The following PFKL variants were observed in gnomAD, a reference collection of about 807,000 sequenced individuals.
PFKL encodes the protein ATP-dependent 6-phosphofructokinase, liver type.
Under a neutral mutation model 92.1 loss-of-function variants are expected in PFKL, and 74 were observed. The observed-to-expected ratio is 0.80, with a 90% CI of 0.67 to 0.97. The LOEUF (loss-of-function observed/expected upper bound fraction) is 0.97. Among genes scored for constraint, PFKL ranks in the 50% least tolerant of loss-of-function variants. The pLI is 0.00. For synonymous variants in PFKL, 494 were observed against 456.4 expected (o/e 1.08, Z -1.05); for missense variants, 1,028 against 1,116.6 (o/e 0.92, Z 1.13).
chr21:44,303,440 A>AAAAAAAAAGACTTGATCG (rs2040832684), intron 1 of PFKL, among the ~76,000 whole-genome samples: 2 of 68,714 alleles, frequency 2.9e-5, no homozygotes, highest in African/African-American at 1.0e-4. Flanking sequence ...GACCAAAAAA[A>AAAAAAAAAGACTTGATCG]AAAAAAAAAA....
intron 14 of PFKL, among the ~76,000 whole-genome samples, chr21:44,322,585 C>T (rs2079519660): frequency 6.6e-6 from 1 of 152,208 alleles, no homozygotes; most frequent in Non-Finnish European, 1.5e-5. Flanking sequence ...CACAGTCCCC[C>T]TGTGTGACTA....
intron 21 of PFKL, 108 bp from the exon 22 acceptor site, chr21:44,326,607 G>GGCAT (rs1291533812): frequency 6.8e-6 from 9 of 1,324,870 alleles, no homozygotes; most frequent in Non-Finnish European, 2.0e-6. Context: ...CAGACAGAGG[G>GGCAT]GCATGCACAG....
At chr21:44,318,367 T>TG in intron 9 of PFKL, 103 bp from the exon 10 acceptor site, 15 of 1,261,014 alleles carry the variant, frequency 1.2e-5, no homozygotes, top group Non-Finnish European at 1.3e-5. Context: ...TCCGTCAGCG[T>TG]GGGGGGCTCT....
At chr21:44,300,688 T>G (rs56295824) in intron 1 of PFKL, among the ~76,000 whole-genome samples, 73,784 of 152,136 alleles carry the variant, frequency 0.48, 18,752 homozygotes, top group African/African-American at 0.63. Flanking sequence ...GCCGCCTTCC[T>G]TGTGGGTCTA....
At chr21:44,308,092 A>G (rs984731396) in intron 2 of PFKL, among the ~76,000 whole-genome samples, 3 of 151,994 alleles carry the variant, frequency 2.0e-5, no homozygotes, top group Non-Finnish European at 4.4e-5. Context: ...AGGCCCTCGG[A>G]GGTGGGGGAA....
rs966933165 is a variant in PFKL, at chr21:44,305,715, A to T, written c.86-966A>T. Reference sequence around the variant, plus strand: ...TATGAAGTCATGGATATCTTTTGAGATGGGGGCTCTCGGGAAGAAGGTGTG... The same window carrying T: ...TATGAAGTCATGGATATCTTTTGAGTTGGGGGCTCTCGGGAAGAAGGTGTG... On this transcript the variant is annotated intron_variant, in intron 1 of 21. Coordinates refer to ENST00000349048, the MANE Select transcript of PFKL (RefSeq NM_002626.6). 6 of 1,259,916 alleles carry T rather than the reference A, an allele frequency of 4.8e-6. No individual in the cohort carries two copies. The African/African-American group carries it at 7.7e-5, about 16-fold the overall frequency. The allele number at this position is 1,259,916 out of a possible 1,614,324, so 78.0% of individuals were successfully genotyped here.
rs528228505 is a variant in PFKL at position 44,326,751 on chromosome 21, G to A, written c.2232G>A (p.Leu744=). 1.9e-5 allele frequency: 30 copies of A among 1,611,282 alleles called. No homozygotes were observed. Among genetic ancestry groups the A allele is most frequent in the Non-Finnish European group, 2.4e-5 (28 of 1,179,278 alleles). The part of the protein sequence containing the change: ...RMPREQWWLS[L]RLMLKMLAQY... ...CACGGGAGCAGTGGTGGCTGAGCCT[G>A]CGGCTCATGCTGAAGATGCTGGCAC... Residue 744 remains leucine, a synonymous_variant, in exon 22 of 22, where the codon CTG becomes CTA. Transcript: ENST00000349048.
intron 5 of PFKL, 24 bp from the exon 6 acceptor site, chr21:44,313,614 C>G: frequency 6.2e-7 from 1 of 1,606,980 alleles, no homozygotes; most frequent in Non-Finnish European, 8.5e-7. Context: ...GGCACTGATG[C>G]ATCCTCCTGT....
rs1018819125 is a variant in PFKL at position 44,307,209 on chromosome 21, G to C, written c.159+455G>C. ...CTGCCTCACCACCCAGACCCGGGGG[G>C]CAGCCGCTGGCAGCAGCTCTGCTGT... On this transcript the variant is annotated intron_variant, in intron 2 of 21. Coordinates refer to ENST00000349048, the MANE Select transcript of PFKL (RefSeq NM_002626.6). 1.9e-5 allele frequency: 17 copies of C among 903,972 alleles called. No homozygotes were observed. The African/African-American group carries it at 2.7e-4, about 14-fold the overall frequency. 56.0% of individuals were successfully genotyped at this position (903,972 alleles called of 1,614,324 possible).
rs570146905 is a variant in PFKL at position 44,316,054 on chromosome 21, G to A, written c.748-190G>A. ...TTCACCGCCTCCAGGAGGGCGGGGCGTCCTAGTGGGCCCAGCCTCATCTCT... is the reference window on the plus strand; with the variant it reads ...TTCACCGCCTCCAGGAGGGCGGGGCATCCTAGTGGGCCCAGCCTCATCTCT... On this transcript the variant is annotated intron_variant, in intron 7 of 21. Transcript: ENST00000349048. 41 of 607,658 alleles carry A rather than the reference G, an allele frequency of 6.7e-5. No individual in the cohort carries two copies. The Admixed American group carries it at 8.1e-4, about 12-fold the overall frequency. 37.6% of individuals were successfully genotyped at this position (607,658 alleles called of 1,614,324 possible).
chr21:44,316,364 A>C, intron 8 of PFKL, 25 bp downstream of exon 8: 3 of 1,611,876 alleles, frequency 1.9e-6, no homozygotes, highest in Middle Eastern at 1.6e-4. Flanking sequence ...GGGGGTGGCC[A>C]CTGGGCACCT....
chr21:44,322,461 TCCCTGCCTGGCCAGGC>T (rs1289803218), intron 14 of PFKL, among the ~76,000 whole-genome samples: 1 of 152,160 alleles, frequency 6.6e-6, no homozygotes, highest in Non-Finnish European at 1.5e-5. Flanking sequence ...CGAGCGTCTG[TCCCTGCCTGGCCAGGC>T]CAGGCAGCCT....
chr21:44,300,214 C>A lies in PFKL; in HGVS notation c.85+24C>A, dbSNP rs181640012. On this transcript the variant is annotated intron_variant, in intron 1 of 21. Transcript: ENST00000349048. ...AGGTGGGCGGGGGTCCCGGCCGCGT[C>A]GCGGCGCAGGGGGTGGAGGGCGCCT... is the stretch of plus-strand genomic sequence containing the variant. 30 of 1,058,002 alleles carry A rather than the reference C, an allele frequency of 2.8e-5. 1 individual carries two copies. Among genetic ancestry groups the A allele is most frequent in the Non-Finnish European group, 3.4e-5 (30 of 875,108 alleles). 65.5% of individuals were successfully genotyped at this position (1,058,002 alleles called of 1,614,324 possible). A position where few individuals can be genotyped will look rare whatever the true frequency, so the allele number is the denominator to read the frequency against.
chr21:44,319,449 A>G (rs1314643902), intron 11 of PFKL, 34 bp downstream of exon 11: 1 of 1,579,354 alleles, frequency 6.3e-7, no homozygotes. Context: ...GCACTCTTAC[A>G]TGGCTGGGTC....
Position 44,313,924 on chromosome 21 carries a change from T to G in PFKL, c.650T>G (p.Leu217Arg). ...GCTCGCTCCTCCAGGTACCTGGCGCTGGTATCTGCACTGGCCTCAGGGGCC... is the reference window on the plus strand; with the variant it reads ...GCTCGCTCCTCCAGGTACCTGGCGCGGGTATCTGCACTGGCCTCAGGGGCC... ...VMGRHCGYLA[L>R]VSALASGADW... Residue 217 changes from leucine to arginine, a missense_variant, in exon 7 of 22, where the codon CTG (leucine) becomes CGG (arginine). Leu to Arg is a moderately radical substitution (Grantham distance 102). Transcript: ENST00000349048. 6.3e-7 allele frequency: 1 copy of G among 1,597,766 alleles called. No individual in the cohort carries two copies. The highest frequency in any genetic ancestry group is 8.5e-7 in the Non-Finnish European group (1 of 1,174,382).
chr21:44,308,255 C>T (rs2041009509), intron 2 of PFKL, among the ~76,000 whole-genome samples: 1 of 152,154 alleles, frequency 6.6e-6, no homozygotes, highest in African/African-American at 2.4e-5. Context: ...TGCTGCTTTC[C>T]TCTCAAAGGG....
intron 11 of PFKL, 85 bp from the exon 12 acceptor site, chr21:44,319,999 C>T (rs2047317107): frequency 1.6e-6 from 2 of 1,256,368 alleles, no homozygotes; most frequent in South Asian, 1.2e-5. Context: ...CTGTGACCAG[C>T]CTCCTGGGCT....
Position 44,324,345 on chromosome 21 carries a change from G to C in PFKL, c.1651-146G>C, listed in dbSNP as rs1288089879. 7.5e-6 allele frequency: 6 copies of C among 802,950 alleles called. No individual in the cohort carries two copies. In the Admixed American group the frequency reaches 1.6e-4, roughly 21 times the overall value. The allele number at this position is 802,950 out of a possible 1,614,324, so 49.7% of individuals were successfully genotyped here. ...CCTGTGGGGCCCAGGTGGGAGGTGG[G>C]CCCAAGCCTGGTGCTGCTGGCTGTC... On this transcript the variant is annotated intron_variant, in intron 16 of 21. Coordinates refer to ENST00000349048, the MANE Select transcript of PFKL (RefSeq NM_002626.6).
chr21:44,310,614 T>C (rs2047014014), intron 2 of PFKL, among the ~76,000 whole-genome samples: 1 of 152,168 alleles, frequency 6.6e-6, no homozygotes, highest in African/African-American at 2.4e-5. Flanking sequence ...CAGCAGCCTC[T>C]GTGGTGTCAT....
Sources: gnomAD v4.1 joint callset for allele counts (sites outside exome capture counted in the v4.1 genomes callset) on GRCh38, gnomAD v4.1.1 for gene constraint, MANE v1.5 for transcripts, NCBI Gene and HGNC (gene_info 2026-07-23, HGNC 2026-07-21) for gene names.